Variants in LIN37 observed in about 807,000 individuals in gnomAD.
The protein encoded by LIN37 is protein lin-37 homolog.
LIN37 carries 21 observed loss-of-function variants against 38.0 expected under a neutral mutation model. That is an observed-to-expected ratio of 0.55 (90% CI 0.39 to 0.80). The LOEUF (loss-of-function observed/expected upper bound fraction) is 0.80, where lower values mean the gene tolerates loss of function less well. Among genes scored for constraint, LIN37 ranks in the 30% least tolerant of loss-of-function variants. LIN37 has a pLI of 0.00. For missense variants in LIN37, 273 were observed against 338.5 expected (o/e 0.81, Z 1.52); for synonymous variants, 126 against 122.9 (o/e 1.03, Z -0.17).
rs200797120 is a variant in LIN37 at position 35,752,222 on chromosome 19, G to C, written c.81G>C (p.Gln27His). 1.2e-5 allele frequency: 19 copies of C among 1,607,310 alleles called. No individual in the cohort carries two copies. Among genetic ancestry groups the C allele is most frequent in the Non-Finnish European group, 1.6e-5 (19 of 1,177,020 alleles). Residue 27 changes from glutamine to histidine, a missense_variant, in exon 2 of 9, where the codon CAG (glutamine) becomes CAC (histidine). Transcript: ENST00000301159. ...GGAACCAACTGGATGCTGTCTTGCA[G>C]TGTCTGCTGGAGAAGAGTCACATGG... ...KARNQLDAVL[Q>H]CLLEKSHMDR...
chr19:35,749,154 A>C, intron 1 of LIN37: 3 of 296,554 alleles, frequency 1.0e-5, no homozygotes, highest in Non-Finnish European at 1.6e-5. Context: ...TAGCCTCCCA[A>C]AGTGCTGAGA....
chr19:35,749,390 T>C (rs1247056831), intron 1 of LIN37, among the ~76,000 whole-genome samples: 1 of 152,146 alleles, frequency 6.6e-6, no homozygotes, highest in Non-Finnish European at 1.5e-5. Flanking sequence ...GGGGCGGAGC[T>C]GACCGGATCC....
chr19:35,752,142 G>T, intron 1 of LIN37, 34 bp from the exon 2 acceptor site: 1 of 1,537,420 alleles, frequency 6.5e-7, no homozygotes, highest in South Asian at 1.2e-5. Flanking sequence ...TGGGGCCTGG[G>T]AGCTGACTCC....
chr19:35,752,502 G>T lies in LIN37; in HGVS notation c.161+18G>T. The T allele has an allele frequency of 1.2e-6, 2 of 1,613,742 alleles. No homozygotes were observed. Among genetic ancestry groups the T allele is most frequent in the Non-Finnish European group, 1.7e-6 (2 of 1,179,654 alleles). ...CACAATAAGTGAGTTTTTCTGATTG[G>T]ATTTGGAGTTGAGAGTTCGTGGTTG... is the stretch of plus-strand genomic sequence containing the variant. On this transcript the variant is annotated intron_variant, in intron 3 of 8. Transcript: ENST00000301159.
chr19:35,752,635 T>TC lies in LIN37; in HGVS notation c.161+157dup, dbSNP rs896560490. On this transcript the variant is annotated intron_variant, in intron 3 of 8. Coordinates refer to ENST00000301159, the MANE Select transcript of LIN37 (RefSeq NM_019104.3). ...GACCCTGTGGCAGGAGAAGCTTAGG[T>TC]CCCCCCGTGGTTGCCACCTAGACCC... 97 of 1,245,456 alleles carry TC rather than the reference T, an allele frequency of 7.8e-5. No individual in the cohort carries two copies. The African/African-American group carries it at 1.0e-3, about 13-fold the overall frequency. The allele number at this position is 1,245,456 out of a possible 1,614,324, so 77.2% of individuals were successfully genotyped here. A position where few individuals can be genotyped will look rare whatever the true frequency, so the allele number is the denominator to read the frequency against.
chr19:35,753,091 A>G lies in LIN37; in HGVS notation c.282A>G (p.Thr94=), dbSNP rs1384337052. ...LAEGGPQRSN[T]YVIKLFDRSV... The stretch of plus-strand genomic sequence containing the variant: ...CTCCCATCCCCACCTTCCCAGACAC[A>G]TATGTGATCAAGCTGTTCGACCGGA... The change falls in exon 6 of 9, where the codon ACA becomes ACG. Residue 94 remains threonine, a synonymous_variant. Transcript: ENST00000301159. 3 of 1,606,288 alleles carry G rather than the reference A, an allele frequency of 1.9e-6. No homozygotes were observed. Among genetic ancestry groups the G allele is most frequent in the Non-Finnish European group, 2.5e-6 (3 of 1,176,634 alleles).
At position 35,752,424 on chromosome 19, in the gene LIN37, C is replaced by A; in HGVS notation, c.111-10C>A. 6.2e-7 allele frequency: 1 copy of A among 1,613,944 alleles called. No homozygotes were observed. Among genetic ancestry groups the A allele is most frequent in the Non-Finnish European group, 8.5e-7 (1 of 1,179,830 alleles). On this transcript the variant is annotated splice_polypyrimidine_tract_variant and intron_variant, in intron 2 of 8. Transcript: ENST00000301159. Reference sequence around the variant, plus strand: ...GGAACCCTGAGCTGAGAGATCTCTTCTGCCTCTAGGGAGCGTCTGGATGAG... The same window carrying A: ...GGAACCCTGAGCTGAGAGATCTCTTATGCCTCTAGGGAGCGTCTGGATGAG...
At chr19:35,750,752 G>A (rs1970670920) in intron 1 of LIN37, among the ~76,000 whole-genome samples, 1 of 152,128 alleles carries the variant, frequency 6.6e-6, no homozygotes, top group African/African-American at 2.4e-5. Context: ...ATGAGGTCAG[G>A]AGTTTGAGAT....
intron 1 of LIN37, among the ~76,000 whole-genome samples, chr19:35,751,216 G>A (rs754251613): frequency 1.1e-4 from 17 of 152,006 alleles, no homozygotes; most frequent in Non-Finnish European, 2.2e-4. Context: ...AGCTATTTGG[G>A]AGGCTGAGGC....
rs546878678 is a variant in LIN37 at position 35,752,353 on chromosome 19, G to T, written c.111-81G>T. 10 of 1,584,420 alleles carry T rather than the reference G, an allele frequency of 6.3e-6. No homozygotes were observed. The South Asian group carries it at 8.9e-5, about 14-fold the overall frequency. On this transcript the variant is annotated intron_variant, in intron 2 of 8. Coordinates refer to ENST00000301159, the MANE Select transcript of LIN37 (RefSeq NM_019104.3). ...CCCACAGGCTGACTTGGGGAGGAAG[G>T]TGCTTAATGGGGAGGCTGCTCGGTG...
chr19:35,748,601 G>T lies in LIN37; in HGVS notation c.-124G>T, dbSNP rs2146523580. 1.3e-5 allele frequency: 18 copies of T among 1,354,820 alleles called. 1 individual carries two copies. In the South Asian group the frequency reaches 2.1e-4, roughly 16 times the overall value. 83.9% of individuals were successfully genotyped at this position (1,354,820 alleles called of 1,614,324 possible). ...ACGGTCCAGGCTGGACACAACCAAA[G>T]GCGGAGGACCCGTGGCCCACGAAGC... is the stretch of plus-strand genomic sequence containing the variant. On this transcript the variant is annotated 5_prime_UTR_variant, in exon 1 of 9. The change creates a new upstream start codon in the 5' untranslated region. Transcript: ENST00000301159.
chr19:35,754,353 G>A, intron 8 of LIN37, 34 bp downstream of exon 8: 1 of 1,613,988 alleles, frequency 6.2e-7, no homozygotes, highest in Non-Finnish European at 8.5e-7. Context: ...CCCCTCGTAG[G>A]GCCCTTTGCA....
At position 35,753,521 on chromosome 19, in the gene LIN37, C is replaced by A. The variant is rs894861850; in HGVS notation, c.444+268C>A. The A allele has an allele frequency of 5.4e-5, 31 of 575,868 alleles. No individual in the cohort carries two copies. The African/African-American group carries it at 5.4e-4, about 10-fold the overall frequency. 35.7% of individuals were successfully genotyped at this position (575,868 alleles called of 1,614,324 possible). ...ATGTGGACCTCCAAGATCAGGGGTT[C>A]CCAAGAGCCGAGGGGCTAGACAAGG... On this transcript the variant is annotated intron_variant, in intron 6 of 8. Coordinates refer to ENST00000301159, the MANE Select transcript of LIN37 (RefSeq NM_019104.3).
At chr19:35,751,126 GC>G (rs1460524473) in intron 1 of LIN37, among the ~76,000 whole-genome samples, 1 of 151,794 alleles carries the variant, frequency 6.6e-6, no homozygotes, top group African/African-American at 2.4e-5. Flanking sequence ...TTTGAGACCA[GC>G]CTGGTCAACG....
Position 35,753,004 on chromosome 19 carries a change from G to C in LIN37, c.277+5G>C. The C allele has an allele frequency of 6.4e-7, 1 of 1,569,822 alleles. No homozygotes were observed. Among genetic ancestry groups the C allele is most frequent in the Non-Finnish European group, 8.6e-7 (1 of 1,156,582 alleles). On this transcript the variant is annotated splice_donor_5th_base_variant and intron_variant, in intron 5 of 8. Transcript: ENST00000301159. ...AGGGAGGGCCGCAGCGATCCAGTGAGTAGACAGTGGCCCTAGAGGGTCGGT... is the reference window on the plus strand; with the variant it reads ...AGGGAGGGCCGCAGCGATCCAGTGACTAGACAGTGGCCCTAGAGGGTCGGT...
intron 1 of LIN37, 99 bp from the exon 2 acceptor site, chr19:35,752,077 G>A (rs1382102552): frequency 3.4e-6 from 3 of 884,904 alleles, no homozygotes; most frequent in Non-Finnish European, 5.4e-6. Context: ...TCTGAGATTG[G>A]CCAGGGCAGA....
chr19:35,750,121 C>A (rs746562225), intron 1 of LIN37, among the ~76,000 whole-genome samples: 53 of 151,180 alleles, frequency 3.5e-4, no homozygotes, highest in Admixed American at 5.3e-4. Flanking sequence ...GGGAGAGACA[C>A]TCGGGAGGCC....
At chr19:35,749,355 TAGAA>T (rs1970648643) in intron 1 of LIN37, among the ~76,000 whole-genome samples, 1 of 152,006 alleles carries the variant, frequency 6.6e-6, no homozygotes, top group African/African-American at 2.4e-5. Context: ...GGGTGAAGCT[TAGAA>T]AGAGGAGAGA....
At chr19:35,749,142 C>T (rs1329251575) in intron 1 of LIN37, 6 of 345,718 alleles carry the variant, frequency 1.7e-5, no homozygotes, top group African/African-American at 1.3e-4. Context: ...ATCCTCCCGC[C>T]TTAGCCTCCC....
Sources: allele counts gnomAD v4.1 joint callset (sites outside exome capture counted in the v4.1 genomes callset), GRCh38; gene constraint gnomAD v4.1.1; transcripts MANE v1.5; gene names NCBI Gene and HGNC (gene_info 2026-07-23, HGNC 2026-07-21).